Variants in MON1B observed in about 807,000 individuals in gnomAD.
MON1B encodes MON1 vesicular trafficking associated B.
In MON1B, 26 loss-of-function variants were observed where a neutral mutation model predicts 45.1. The ratio of observed to expected loss-of-function variants is 0.58; its 90% CI spans 0.42 to 0.80. MON1B has a LOEUF of 0.80. MON1B is among the 30% of genes least tolerant of loss of function. The pLI, the probability that MON1B is intolerant of heterozygous loss-of-function variation, is 0.00. For missense variants in MON1B, 737 were observed against 754.5 expected (o/e 0.98, Z 0.27); for synonymous variants, 395 against 320.2 (o/e 1.23, Z -2.49).
In MON1B at chr16:77,194,174, T is replaced by G. The variant is rs770296753; in HGVS notation, c.476-161T>G. 1.5e-5 allele frequency: 11 copies of G among 719,648 alleles called. No homozygotes were observed. Among genetic ancestry groups the G allele is most frequent in the Non-Finnish European group, 2.0e-5 (8 of 406,138 alleles). 44.6% of individuals were successfully genotyped at this position (719,648 alleles called of 1,614,324 possible). ...ATCATGTCTCTGCAAATGTCCAGATTCCTCCAGCTTGTCCTTACCCCAGTC... is the reference window on the plus strand; with the variant it reads ...ATCATGTCTCTGCAAATGTCCAGATGCCTCCAGCTTGTCCTTACCCCAGTC... On this transcript the variant is annotated intron_variant, in intron 3 of 5. Transcript: ENST00000248248. The surrounding 1 kb of genome is among the most constrained non-coding windows in gnomAD (Gnocchi z 8.1).
intron 5 of MON1B, among the ~76,000 whole-genome samples, chr16:77,197,817 A>C (rs1252752349): frequency 6.6e-6 from 1 of 152,180 alleles, no homozygotes; most frequent in East Asian, 1.9e-4. Context: ...TAGGTTACTG[A>C]CAGAATATTA....
Position 77,191,593 on chromosome 16 carries a change from G to T in MON1B, c.108G>T (p.Ala36=). The T allele has an allele frequency of 6.2e-7, 1 of 1,610,142 alleles. No individual in the cohort carries two copies. The highest frequency in any genetic ancestry group is 1.7e-5 in the Admixed American group (1 of 58,278). The change falls in exon 2 of 6, where the codon GCG becomes GCT. Residue 36 remains alanine, a synonymous_variant. Transcript: ENST00000248248. Reference sequence around the variant, plus strand: ...CTAGAGAAGGTGGAGGGGTTCACGCGGTCCCGCCGGATCCCGAAGACGAGG... The same window carrying T: ...CTAGAGAAGGTGGAGGGGTTCACGCTGTCCCGCCGGATCCCGAAGACGAGG... The part of the protein sequence containing the change: ...EEAREGGGVH[A]VPPDPEDEGL...
In MON1B at chr16:77,200,921, C is replaced by T. The variant is rs185420784; in HGVS notation, c.*2613C>T. 2.0e-5 allele frequency: 3 copies of T among 152,234 alleles called. No homozygotes were observed. Among genetic ancestry groups the T allele is most frequent in the African/African-American group, 7.2e-5 (3 of 41,510 alleles). The allele number at this position is 152,234 out of a possible 1,614,324, so 9.4% of individuals were successfully genotyped here. On this transcript the variant is annotated 3_prime_UTR_variant, in exon 6 of 6. Transcript: ENST00000248248. The stretch of plus-strand genomic sequence containing the variant: ...TATCAGTATGCTTTAACTGTTGTCA[C>T]CTTTCTGCCCCACTTTTATCTATCT...
rs1423122203 is a variant in MON1B at position 77,201,656 on chromosome 16, T to C, written c.*3348T>C. The C allele has an allele frequency of 6.6e-6, 1 of 151,954 alleles. No individual in the cohort carries two copies. The highest frequency in any genetic ancestry group is 6.6e-5 in the Admixed American group (1 of 15,262). 9.4% of individuals were successfully genotyped at this position (151,954 alleles called of 1,614,324 possible). A position where few individuals can be genotyped will look rare whatever the true frequency, so the allele number is the denominator to read the frequency against. ...TATGGACCAGGAATGGTCACTGGAG[T>C]GTTGATGTAGGCACAACACAAGAAG... On this transcript the variant is annotated 3_prime_UTR_variant, in exon 6 of 6. Transcript: ENST00000248248.
In MON1B at chr16:77,200,270, A is replaced by ATATG. The variant is rs1273001153; in HGVS notation, c.*1963_*1964insATGT. ...TATGTATATGTGTATATATATATAT[A>ATATG]TGTGTATATATATATATATATACAC... On this transcript the variant is annotated 3_prime_UTR_variant, in exon 6 of 6. Coordinates refer to ENST00000248248, the MANE Select transcript of MON1B (RefSeq NM_014940.4). 337 of 94,814 alleles carry ATATG rather than the reference A, an allele frequency of 3.6e-3. 4 individuals carry two copies. Among genetic ancestry groups the ATATG allele is most frequent in the South Asian group, 0.015 (42 of 2,856 alleles). 5.9% of individuals were successfully genotyped at this position (94,814 alleles called of 1,614,324 possible). A position where few individuals can be genotyped will look rare whatever the true frequency, so the allele number is the denominator to read the frequency against.
rs928569112 is a variant in MON1B at position 77,193,688 on chromosome 16, T to C, written c.386T>C (p.Val129Ala). The change falls in exon 3 of 6, where the codon GTG becomes GCG. Residue 129 changes from valine (V) to alanine (A), a missense_variant. By Grantham distance (64) the Val-to-Ala change is moderately conservative. Coordinates refer to ENST00000248248, the MANE Select transcript of MON1B (RefSeq NM_014940.4). This position sits in a 1 kb window ranked among gnomAD's most constrained non-coding sequence, Gnocchi z 5.0. ...GKPIYSRYGS[V>A]EALSATMGVM... ...CCCATCTACTCGCGGTATGGTAGTGTGGAGGCGCTGTCGGCTACCATGGGT... is the reference window on the plus strand; with the variant it reads ...CCCATCTACTCGCGGTATGGTAGTGCGGAGGCGCTGTCGGCTACCATGGGT... 1.9e-6 allele frequency: 3 copies of C among 1,613,946 alleles called. No individual in the cohort carries two copies. Among genetic ancestry groups the C allele is most frequent in the Non-Finnish European group, 2.5e-6 (3 of 1,179,966 alleles).
chr16:77,191,372 T>TG (rs2054612949), intron 1 of MON1B, 104 bp from the exon 2 acceptor site: 7 of 1,582,010 alleles, frequency 4.4e-6, no homozygotes, highest in African/African-American at 4.0e-5. Flanking sequence ...TTGAAATCCG[T>TG]GGGGAAATGA....
Position 77,202,154 on chromosome 16 carries a change from A to G in MON1B, c.*3846A>G, listed in dbSNP as rs1003949380. 10 of 152,232 alleles carry G rather than the reference A, an allele frequency of 6.6e-5. No homozygotes were observed. The highest frequency in any genetic ancestry group is 2.1e-4 in the South Asian group (1 of 4,834). The allele number at this position is 152,232 out of a possible 1,614,324, so 9.4% of individuals were successfully genotyped here. A position where few individuals can be genotyped will look rare whatever the true frequency, so the allele number is the denominator to read the frequency against. Reference sequence around the variant, plus strand: ...TGGCACCTGAGGATCCTATATTCATATTGGATCAGTATTAACATCCAGGTT... The same window carrying G: ...TGGCACCTGAGGATCCTATATTCATGTTGGATCAGTATTAACATCCAGGTT... On this transcript the variant is annotated 3_prime_UTR_variant, in exon 6 of 6. Transcript: ENST00000248248.
At position 77,193,803 on chromosome 16, in the gene MON1B, T is replaced by TG; in HGVS notation, c.475+31dup. ...GTGAGCAAACAGGTGGGAGGCAGAA[T>TG]GGGGGACAGTGACTGGGAATATGGC... is the stretch of plus-strand genomic sequence containing the variant. On this transcript the variant is annotated intron_variant, in intron 3 of 5. Coordinates refer to ENST00000248248, the MANE Select transcript of MON1B (RefSeq NM_014940.4). The surrounding 1 kb of genome is among the most constrained non-coding windows in gnomAD (Gnocchi z 5.0). 6.3e-7 allele frequency: 1 copy of TG among 1,586,610 alleles called. No homozygotes were observed. The highest frequency in any genetic ancestry group is 8.6e-7 in the Non-Finnish European group (1 of 1,163,664).
rs1280135614 is a variant in MON1B at position 77,199,680 on chromosome 16, A to G, written c.*1372A>G. 6.5e-5 allele frequency: 38 copies of G among 586,648 alleles called. No individual in the cohort carries two copies. Among genetic ancestry groups the G allele is most frequent in the Non-Finnish European group, 9.0e-6 (3 of 335,006 alleles). The allele number at this position is 586,648 out of a possible 1,614,324, so 36.3% of individuals were successfully genotyped here. On this transcript the variant is annotated 3_prime_UTR_variant, in exon 6 of 6. Transcript: ENST00000248248. ...ATTTTTTAACCGTTCAGCACAGTGGAGATAAATTAACAGGCATATTCTTAT... is the reference window on the plus strand; with the variant it reads ...ATTTTTTAACCGTTCAGCACAGTGGGGATAAATTAACAGGCATATTCTTAT...
At position 77,198,150 on chromosome 16, in the gene MON1B, G is replaced by A; in HGVS notation, c.1486G>A (p.Val496Met). The change falls in exon 6 of 6, where the codon GTG (valine) becomes ATG (methionine). Residue 496 changes from valine (V) to methionine (M), a missense_variant. Transcript: ENST00000248248. Reference sequence around the variant, plus strand: ...GCTCTATACCTGCCTCAGCCCTCTGGTGACCAAGGCAGGTGCAATCTTGGT... The same window carrying A: ...GCTCTATACCTGCCTCAGCCCTCTGATGACCAAGGCAGGTGCAATCTTGGT... ...FELYTCLSPLVTKAGAILVVT... is the reference protein window; with the variant it reads ...FELYTCLSPLMTKAGAILVVT... The A allele has an allele frequency of 1.9e-6, 3 of 1,614,110 alleles. No individual in the cohort carries two copies. The highest frequency in any genetic ancestry group is 2.5e-6 in the Non-Finnish European group (3 of 1,180,004).
At position 77,199,562 on chromosome 16, in the gene MON1B, A is replaced by G. The variant is rs777479812; in HGVS notation, c.*1254A>G. 1.3e-5 allele frequency: 18 copies of G among 1,373,046 alleles called. No individual in the cohort carries two copies. Among genetic ancestry groups the G allele is most frequent in the South Asian group, 1.0e-4 (8 of 79,032 alleles). 85.1% of individuals were successfully genotyped at this position (1,373,046 alleles called of 1,614,324 possible). The stretch of plus-strand genomic sequence containing the variant: ...TCCTTTCTCTCCAACCAGGGCAGAA[A>G]GGAGGGAGGATTCGTCCCATTACAA... On this transcript the variant is annotated 3_prime_UTR_variant, in exon 6 of 6. Coordinates refer to ENST00000248248, the MANE Select transcript of MON1B (RefSeq NM_014940.4).
At position 77,193,558 on chromosome 16, in the gene MON1B, A is replaced by C; in HGVS notation, c.256A>C (p.Thr86Pro). 2.5e-6 allele frequency: 4 copies of C among 1,613,968 alleles called. No homozygotes were observed. Among genetic ancestry groups the C allele is most frequent in the Non-Finnish European group, 3.4e-6 (4 of 1,179,904 alleles). ...TCCTGCAGCCCCTGAGAATAGTCCC[A>C]CATGTAGCCCTGAGAGTAGCTCTGG... ...WSPAAPENSP[T>P]CSPESSSGGQ... The change falls in exon 3 of 6, where the codon ACA (threonine) becomes CCA (proline). Residue 86 changes from threonine (T) to proline (P), a missense_variant. Thr to Pro is a conservative substitution (Grantham distance 38, BLOSUM62 -1). Transcript: ENST00000248248. The surrounding 1 kb of genome is among the most constrained non-coding windows in gnomAD (Gnocchi z 5.0).
chr16:77,193,627 C>A lies in MON1B; in HGVS notation c.325C>A (p.Arg109=), dbSNP rs148989729. Residue 109 remains arginine (R), a synonymous_variant, in exon 3 of 6, where the codon CGG becomes AGG. Coordinates refer to ENST00000248248, the MANE Select transcript of MON1B (RefSeq NM_014940.4). This position sits in a 1 kb window ranked among gnomAD's most constrained non-coding sequence, Gnocchi z 5.0. ...DPSDEEWRSQ[R]KHVFVLSEAG... is the part of the protein sequence containing the mutation. ...CAGTGATGAGGAGTGGCGCAGCCAG[C>A]GGAAGCATGTGTTTGTGCTGAGTGA... 2.5e-6 allele frequency: 4 copies of A among 1,613,980 alleles called. No homozygotes were observed. The South Asian group carries it at 3.3e-5, about 13-fold the overall frequency.
Position 77,199,666 on chromosome 16 carries a change from G to A in MON1B, c.*1358G>A, listed in dbSNP as rs1042686093. 1.6e-5 allele frequency: 10 copies of A among 635,168 alleles called. No homozygotes were observed. In the East Asian group the frequency reaches 2.5e-4, roughly 16 times the overall value. 39.3% of individuals were successfully genotyped at this position (635,168 alleles called of 1,614,324 possible). Reference sequence around the variant, plus strand: ...ATTGAAGAAAAACAATTTTTTAACCGTTCAGCACAGTGGAGATAAATTAAC... The same window carrying A: ...ATTGAAGAAAAACAATTTTTTAACCATTCAGCACAGTGGAGATAAATTAAC... On this transcript the variant is annotated 3_prime_UTR_variant, in exon 6 of 6. Transcript: ENST00000248248.
In MON1B at chr16:77,194,281, TC is replaced by T. The variant is rs1339641987; in HGVS notation, c.476-53del. 1 of 1,490,038 alleles carries T rather than the reference TC, an allele frequency of 6.7e-7. No homozygotes were observed. The highest frequency in any genetic ancestry group is 9.3e-7 in the Non-Finnish European group (1 of 1,081,062). 92.3% of individuals were successfully genotyped at this position (1,490,038 alleles called of 1,614,324 possible). On this transcript the variant is annotated intron_variant, in intron 3 of 5. Transcript: ENST00000248248. The surrounding 1 kb of genome is among the most constrained non-coding windows in gnomAD (Gnocchi z 8.1). ...GGGCAGAAGAGCCCCACTGTCTCCC[TC>T]TGGTCATTCCTGATCCAGCTGTACC...
chr16:77,199,507 C>G lies in MON1B; in HGVS notation c.*1199C>G. 3.2e-6 allele frequency: 5 copies of G among 1,551,326 alleles called. No homozygotes were observed. Among genetic ancestry groups the G allele is most frequent in the Non-Finnish European group, 4.4e-6 (5 of 1,146,854 alleles). ...GAGGCGCCAGAAGCTACTGAGGAGGCTGAAGGTAGTGAGGGCAAGTGGGCT... is the reference window on the plus strand; with the variant it reads ...GAGGCGCCAGAAGCTACTGAGGAGGGTGAAGGTAGTGAGGGCAAGTGGGCT... On this transcript the variant is annotated 3_prime_UTR_variant, in exon 6 of 6. Transcript: ENST00000248248.
intron 4 of MON1B, 68 bp downstream of exon 4, chr16:77,195,222 A>C: frequency 2.9e-5 from 40 of 1,385,888 alleles, no homozygotes; most frequent in Non-Finnish European, 3.5e-5. Flanking sequence ...TCAGCATCTC[A>C]GGGATGTGAC....
In MON1B at chr16:77,194,884, G is replaced by A. The variant is rs200585249; in HGVS notation, c.1025G>A (p.Arg342His). 1.9e-5 allele frequency: 30 copies of A among 1,612,394 alleles called. No homozygotes were observed. The highest frequency in any genetic ancestry group is 8.3e-5 in the Admixed American group (5 of 60,028). Reference sequence around the variant, plus strand: ...GGTTTTTTCTACGCCTACGTGGCCCGCCTGGATGCTATGCCTGTCTGCCTG... The same window carrying A: ...GGTTTTTTCTACGCCTACGTGGCCCACCTGGATGCTATGCCTGTCTGCCTG... ...PDGFFYAYVA[R>H]LDAMPVCLLL... The change falls in exon 4 of 6, where the codon CGC becomes CAC. Residue 342 changes from arginine (R) to histidine (H), a missense_variant. Coordinates refer to ENST00000248248, the MANE Select transcript of MON1B (RefSeq NM_014940.4). This position sits in a 1 kb window ranked among gnomAD's most constrained non-coding sequence, Gnocchi z 8.1.
Sources: gnomAD v4.1 joint callset for allele counts (sites outside exome capture counted in the v4.1 genomes callset) on GRCh38, gnomAD v4.1.1 for gene constraint, Gnocchi (gnomAD v3.1) non-coding constraint, MANE v1.5 for transcripts, NCBI Gene and HGNC (gene_info 2026-07-23, HGNC 2026-07-21) for gene names.